PPP2R5D: variants seen among roughly 807,000 people sequenced by gnomAD.
PPP2R5D encodes the protein serine/threonine-protein phosphatase 2A 56 kDa regulatory subunit delta isoform.
In PPP2R5D, 12 loss-of-function variants were observed where a neutral mutation model predicts 79.1. That is an observed-to-expected ratio of 0.15 (90% CI 0.10 to 0.25). The LOEUF (loss-of-function observed/expected upper bound fraction) is 0.25. Ranked by LOEUF, PPP2R5D falls within the 10% of genes least tolerant of loss-of-function variation. The pLI, the probability that PPP2R5D is intolerant of heterozygous loss-of-function variation, is 1.00. For missense variants in PPP2R5D, 419 were observed against 760.2 expected (o/e 0.55, Z 5.28); for synonymous variants, 277 against 286.6 (o/e 0.97, Z 0.34).
Position 43,009,417 on chromosome 6 carries a change from A to G in PPP2R5D, c.1347A>G (p.Ala449=). 4 of 1,613,708 alleles carry G rather than the reference A, an allele frequency of 2.5e-6. No individual in the cohort carries two copies. The highest frequency in any genetic ancestry group is 3.4e-6 in the Non-Finnish European group (4 of 1,179,948). ...AARVLPIMFP[A]LYRNSKSHWN... ...GAGTCCTCCCCATCATGTTCCCTGC[A>G]CTCTACAGGAACTCCAAGAGCCACT... Residue 449 remains alanine (A), a synonymous_variant, in exon 12 of 16, where the codon GCA becomes GCG. Transcript: ENST00000485511. This position sits in a 1 kb window ranked among gnomAD's most constrained non-coding sequence, Gnocchi z 5.6.
Position 43,010,667 on chromosome 6 carries a change from C to T in PPP2R5D, c.1485C>T (p.Gly495=). 4 of 1,614,044 alleles carry T rather than the reference C, an allele frequency of 2.5e-6. No homozygotes were observed. The highest frequency in any genetic ancestry group is 3.4e-6 in the Non-Finnish European group (4 of 1,179,940). Residue 495 remains glycine, a synonymous_variant, in exon 14 of 16, where the codon GGC becomes GGT. Coordinates refer to ENST00000485511, the MANE Select transcript of PPP2R5D (RefSeq NM_006245.4). This position sits in a 1 kb window ranked among gnomAD's most constrained non-coding sequence, Gnocchi z 4.7. ...TQQYKAEKQK[G]RFRMKEREEM... ...CAATCCTACTTTTGCTCCTCAGGGG[C>T]CGGTTCCGAATGAAGGAAAGGGAAG...
At chr6:42,989,770 G>C in intron 2 of PPP2R5D, 82 bp downstream of exon 2, 1 of 1,364,802 alleles carries the variant, frequency 7.3e-7, no homozygotes, top group Non-Finnish European at 1.0e-6. Flanking sequence ...GGGGATCCCA[G>C]GGGGTGAGGC....
At chr6:42,994,299 A>G (rs569861312) in intron 2 of PPP2R5D, among the ~76,000 whole-genome samples, 20 of 152,292 alleles carry the variant, frequency 1.3e-4, no homozygotes, top group Admixed American at 1.1e-3. Context: ...TCAAAAGGAA[A>G]TGTTAAGTAG....
At chr6:42,989,813 C>G in intron 2 of PPP2R5D, 125 bp downstream of exon 2, 1 of 908,064 alleles carries the variant, frequency 1.1e-6, no homozygotes, top group Non-Finnish European at 1.7e-6. Flanking sequence ...TGGGAGGGAC[C>G]TGGACAGCCC....
At chr6:42,996,486 A>T (rs1031864796) in intron 2 of PPP2R5D, among the ~76,000 whole-genome samples, 1 of 151,982 alleles carries the variant, frequency 6.6e-6, no homozygotes, top group African/African-American at 2.4e-5. Context: ...AAATAAAAAA[A>T]AAATAAGGGC....
At chr6:42,990,068 G>T (rs1274046769) in intron 2 of PPP2R5D, among the ~76,000 whole-genome samples, 1 of 150,338 alleles carries the variant, frequency 6.7e-6, no homozygotes, top group African/African-American at 2.4e-5. Flanking sequence ...TGGGGCAGGG[G>T]ATTGGGAGGG....
chr6:43,006,331 G>A lies in PPP2R5D; in HGVS notation c.106-132G>A, dbSNP rs1762075161. ...AGTTATCTCTGTAACCCTGGCCTTA[G>A]CTCCTTCGGGGCAGGAGACAGCTGC... On this transcript the variant is annotated intron_variant, in intron 2 of 15. Transcript: ENST00000485511. The surrounding 1 kb of genome is among the most constrained non-coding windows in gnomAD (Gnocchi z 4.7). The A allele has an allele frequency of 2.1e-6, 3 of 1,441,174 alleles. No homozygotes were observed. The highest frequency in any genetic ancestry group is 1.8e-6 in the Non-Finnish European group (2 of 1,092,158). 89.3% of individuals were successfully genotyped at this position (1,441,174 alleles called of 1,614,324 possible). A position where few individuals can be genotyped will look rare whatever the true frequency, so the allele number is the denominator to read the frequency against.
In PPP2R5D at chr6:43,007,937, C is replaced by T; in HGVS notation, c.729C>T (p.Leu243=). 6.2e-7 allele frequency: 1 copy of T among 1,614,188 alleles called. No homozygotes were observed. Among genetic ancestry groups the T allele is most frequent in the Non-Finnish European group, 8.5e-7 (1 of 1,180,034 alleles). The part of the protein sequence containing the change: ...KYIDQKFVLA[L]LDLFDSEDPR... ...CTTTCCCTCCCTTGTACCCCCAGCT[C>T]CTAGACCTATTTGACAGTGAGGATC... The change falls in exon 7 of 16, where the codon CTC becomes CTT. Residue 243 remains leucine, a splice_region_variant and synonymous_variant. Coordinates refer to ENST00000485511, the MANE Select transcript of PPP2R5D (RefSeq NM_006245.4). This position sits in a 1 kb window ranked among gnomAD's most constrained non-coding sequence, Gnocchi z 4.5.
rs1762223520 is a variant in PPP2R5D at position 43,008,858 on chromosome 6, G to A, written c.1080+112G>A. 6.8e-6 allele frequency: 9 copies of A among 1,324,766 alleles called. No individual in the cohort carries two copies. Among genetic ancestry groups the A allele is most frequent in the South Asian group, 5.1e-5 (4 of 78,682 alleles). The allele number at this position is 1,324,766 out of a possible 1,614,324, so 82.1% of individuals were successfully genotyped here. ...AACTCAGGAGGGCTGTGACCTGACC[G>A]GTAACATGGTTTCCTCTCTGAAGGG... On this transcript the variant is annotated intron_variant, in intron 10 of 15. Transcript: ENST00000485511. This position sits in a 1 kb window ranked among gnomAD's most constrained non-coding sequence, Gnocchi z 4.2.
chr6:43,009,207 G>A lies in PPP2R5D; in HGVS notation c.1231G>A (p.Val411Ile). ...EPLFRQLAKC[V>I]SSPHFQVAER... ...CCTCTTCCGCCAGCTGGCCAAGTGT[G>A]TCTCTAGCCCCCATTTCCAGGTGAG... Residue 411 changes from valine to isoleucine, a missense_variant, in exon 11 of 16, where the codon GTC (valine) becomes ATC (isoleucine). Physicochemically the swap from Val to Ile is conservative, Grantham distance 29. Around this residue, in one of 5 missense-constraint regions of PPP2R5D, gnomAD observed 196 missense variants for 424.5 expected, o/e 0.46. Transcript: ENST00000485511. This position sits in a 1 kb window ranked among gnomAD's most constrained non-coding sequence, Gnocchi z 5.6. The A allele has an allele frequency of 1.2e-6, 2 of 1,614,172 alleles. No individual in the cohort carries two copies. The highest frequency in any genetic ancestry group is 1.7e-6 in the Non-Finnish European group (2 of 1,180,044).
chr6:42,998,221 C>A (rs1413727299), intron 2 of PPP2R5D, among the ~76,000 whole-genome samples: 2 of 147,416 alleles, frequency 1.4e-5, no homozygotes, highest in African/African-American at 2.5e-5. Flanking sequence ...AATACAGGTG[C>A]GTGCCACCAC....
chr6:42,986,479 C>G (rs567670583), intron 1 of PPP2R5D, among the ~76,000 whole-genome samples: 4 of 152,208 alleles, frequency 2.6e-5, no homozygotes, highest in African/African-American at 9.6e-5. Context: ...TGAGTTGTCC[C>G]CTTAACCTTT....
chr6:43,007,827 C>T lies in PPP2R5D; in HGVS notation c.727-108C>T. On this transcript the variant is annotated intron_variant, in intron 6 of 15. Coordinates refer to ENST00000485511, the MANE Select transcript of PPP2R5D (RefSeq NM_006245.4). This position sits in a 1 kb window ranked among gnomAD's most constrained non-coding sequence, Gnocchi z 4.5. ...ACTGCTTTCTAAGACTTGCTGGCCC[C>T]CACTCCAGGGGACCTCTGCATTTCC... is the stretch of plus-strand genomic sequence containing the variant. 2 of 1,414,024 alleles carry T rather than the reference C, an allele frequency of 1.4e-6. No homozygotes were observed. Among genetic ancestry groups the T allele is most frequent in the Non-Finnish European group, 9.8e-7 (1 of 1,017,708 alleles). 87.6% of individuals were successfully genotyped at this position (1,414,024 alleles called of 1,614,324 possible). A position where few individuals can be genotyped will look rare whatever the true frequency, so the allele number is the denominator to read the frequency against.
At position 43,008,808 on chromosome 6, in the gene PPP2R5D, A is replaced by G; in HGVS notation, c.1080+62A>G. On this transcript the variant is annotated intron_variant, in intron 10 of 15. Transcript: ENST00000485511. The surrounding 1 kb of genome is among the most constrained non-coding windows in gnomAD (Gnocchi z 4.2). ...CTGTCAGCATCACTTGCCAGTCTGTACCTACTGGGGGTGCCATAAGGGGGA... is the reference window on the plus strand; with the variant it reads ...CTGTCAGCATCACTTGCCAGTCTGTGCCTACTGGGGGTGCCATAAGGGGGA... 6.5e-7 allele frequency: 1 copy of G among 1,548,278 alleles called. No homozygotes were observed. The highest frequency in any genetic ancestry group is 8.9e-7 in the Non-Finnish European group (1 of 1,125,136).
In PPP2R5D at chr6:43,007,213, C is replaced by G. The variant is rs1191089174; in HGVS notation, c.540C>G (p.Phe180Leu). 31 of 1,614,028 alleles carry G rather than the reference C, an allele frequency of 1.9e-5. No homozygotes were observed. Among genetic ancestry groups the G allele is most frequent in the Non-Finnish European group, 2.5e-5 (29 of 1,180,028 alleles). The change falls in exon 5 of 16, where the codon TTC (phenylalanine) becomes TTG (leucine). Residue 180 changes from phenylalanine (F) to leucine (L), a missense_variant. Physicochemically the swap from Phe to Leu is conservative, Grantham distance 22. Around this residue, in one of 5 missense-constraint regions of PPP2R5D, gnomAD observed 196 missense variants for 424.5 expected, o/e 0.46. Coordinates refer to ENST00000485511, the MANE Select transcript of PPP2R5D (RefSeq NM_006245.4). This position sits in a 1 kb window ranked among gnomAD's most constrained non-coding sequence, Gnocchi z 4.5. ...CCCCTCAGTTTTCAGTGAACCTCTTCCGGACGCTGCCACCTTCATCGAATC... is the reference window on the plus strand; with the variant it reads ...CCCCTCAGTTTTCAGTGAACCTCTTGCGGACGCTGCCACCTTCATCGAATC... ...EAVTMFSVNL[F>L]RTLPPSSNPT...
intron 2 of PPP2R5D, among the ~76,000 whole-genome samples, chr6:43,004,569 C>CTT (rs56194066): frequency 0.043 from 5,409 of 125,022 alleles, 364 homozygotes; most frequent in African/African-American, 0.12. Flanking sequence ...TCTTTTCCTA[C>CTT]TTTTTTTTTT....
In PPP2R5D at chr6:43,010,148, G is replaced by C. The variant is rs1762283136; in HGVS notation, c.1380-320G>C. Among the ~76,000 whole-genome samples, 1 of 151,040 alleles carries C rather than the reference G, an allele frequency of 6.6e-6. No individual in the cohort carries two copies. The highest frequency in any genetic ancestry group is 6.6e-5 in the Admixed American group (1 of 15,186). The stretch of plus-strand genomic sequence containing the variant: ...TGGTGTAGATGCAGTCTGTCATGCT[G>C]CATCTACATGCCCATCATGCTGCTG... On this transcript the variant is annotated intron_variant, in intron 12 of 15. Transcript: ENST00000485511. The surrounding 1 kb of genome is among the most constrained non-coding windows in gnomAD (Gnocchi z 4.7).
At chr6:43,000,179 C>T (rs1328217355) in intron 2 of PPP2R5D, among the ~76,000 whole-genome samples, 1 of 149,810 alleles carries the variant, frequency 6.7e-6, no homozygotes, top group Non-Finnish European at 1.5e-5. Flanking sequence ...CCTGATCTAG[C>T]CACCTTGGCC....
rs760947311 is a variant in PPP2R5D, at chr6:43,012,158, T to C, written c.*872T>C. 21 of 1,057,078 alleles carry C rather than the reference T, an allele frequency of 2.0e-5. No individual in the cohort carries two copies. The highest frequency in any genetic ancestry group is 8.3e-5 in the African/African-American group (5 of 60,116). The allele number at this position is 1,057,078 out of a possible 1,614,324, so 65.5% of individuals were successfully genotyped here. A position where few individuals can be genotyped will look rare whatever the true frequency, so the allele number is the denominator to read the frequency against. On this transcript the variant is annotated 3_prime_UTR_variant, in exon 16 of 16. Transcript: ENST00000485511. ...TGGGCAGGCCTTCTCTTGTCCCTTA[T>C]AGGTACCTTGGAGGGGCCAGGGGCT... is the stretch of plus-strand genomic sequence containing the variant.
Sources: gnomAD v4.1 joint callset for allele counts (sites outside exome capture counted in the v4.1 genomes callset) on GRCh38, gnomAD v4.1.1 for gene constraint, gnomAD v4.1.1 regional missense constraint, Gnocchi (gnomAD v3.1) non-coding constraint, MANE v1.5 for transcripts, NCBI Gene and HGNC (gene_info 2026-07-23, HGNC 2026-07-21) for gene names.